The following ZC3HAV1 variants were observed in gnomAD, a reference collection of about 807,000 sequenced individuals.
ZC3HAV1 encodes the protein zinc finger CCCH-type containing, antiviral 1.
A neutral mutation model predicts 86.6 loss-of-function variants in ZC3HAV1; 41 were observed. That is an observed-to-expected ratio of 0.47 (90% CI 0.37 to 0.61). ZC3HAV1 has a LOEUF of 0.61. Among genes scored for constraint, ZC3HAV1 ranks in the 20% least tolerant of loss-of-function variants. The pLI, the probability that ZC3HAV1 is intolerant of heterozygous loss-of-function variation, is 0.00. For synonymous variants in ZC3HAV1, 421 were observed against 432.1 expected (o/e 0.97, Z 0.32); for missense variants, 964 against 1,141.1 (o/e 0.84, Z 2.24).
chr7:139,089,420 A>G (rs747224022), intron 2 of ZC3HAV1, among the ~76,000 whole-genome samples: 1 of 152,168 alleles, frequency 6.6e-6, no homozygotes, highest in Non-Finnish European at 1.5e-5. Context: ...CCAGTGGAAG[A>G]GGTATTCCAG....
intron 1 of ZC3HAV1, among the ~76,000 whole-genome samples, chr7:139,097,416 A>ATTTTTT (rs1368279713): frequency 3.9e-5 from 3 of 77,236 alleles, no homozygotes; most frequent in African/African-American, 1.6e-4. Flanking sequence ...ATATATATAT[A>ATTTTTT]TATATATATA....
intron 3 of ZC3HAV1, 41 bp from the exon 4 acceptor site, chr7:139,080,284 A>G (rs753235984): frequency 5.6e-6 from 9 of 1,610,158 alleles, no homozygotes; most frequent in Admixed American, 1.7e-5. Flanking sequence ...AATAATGAAC[A>G]TTGGAGTTAA....
At chr7:139,052,820 T>C (rs1301722971) in intron 12 of ZC3HAV1, among the ~76,000 whole-genome samples, 3 of 151,776 alleles carry the variant, frequency 2.0e-5, no homozygotes, top group Non-Finnish European at 4.4e-5. Flanking sequence ...TCCCAGTTAC[T>C]TGAGGGGCTG....
Position 139,080,014 on chromosome 7 carries a change from G to A in ZC3HAV1, c.927C>T (p.Pro309=), listed in dbSNP as rs763877427. The change falls in exon 4 of 13, where the codon CCC becomes CCT. Residue 309 remains proline (P), a synonymous_variant. Coordinates refer to ENST00000242351, the MANE Select transcript of ZC3HAV1 (RefSeq NM_020119.4). The part of the protein sequence containing the change: ...YLGSQDRARP[P]SGSSKATDLG... The stretch of plus-strand genomic sequence containing the variant: ...GATCAGTAGCCTTGGACGAGCCTGA[G>A]GGAGGCCGAGCGCGATCCTGACTCC... The A allele has an allele frequency of 5.6e-6, 9 of 1,614,082 alleles. No individual in the cohort carries two copies. In the Admixed American group the frequency reaches 1.0e-4, roughly 18 times the overall value.
rs553904802 is a variant in ZC3HAV1, at chr7:139,045,015, T to C, written c.*2579A>G. The C allele has an allele frequency of 2.0e-5, 3 of 152,368 alleles. No homozygotes were observed. Among genetic ancestry groups the C allele is most frequent in the South Asian group, 2.1e-4 (1 of 4,832 alleles). 9.4% of individuals were successfully genotyped at this position (152,368 alleles called of 1,614,324 possible). A position where few individuals can be genotyped will look rare whatever the true frequency, so the allele number is the denominator to read the frequency against. ...TGATCTCCTACCTTCTAAGTTCAAA[T>C]TGATGCATTATAAATAGTTGTAAGC... On this transcript the variant is annotated 3_prime_UTR_variant, in exon 13 of 13. Transcript: ENST00000242351.
At chr7:139,059,881 G>A (rs1042032687) in intron 9 of ZC3HAV1, among the ~76,000 whole-genome samples, 2 of 152,090 alleles carry the variant, frequency 1.3e-5, no homozygotes, top group Admixed American at 6.5e-5. Flanking sequence ...ATCAGTGTTC[G>A]GAATGTGTTA....
intron 6 of ZC3HAV1, 145 bp downstream of exon 6, chr7:139,076,141 G>A: frequency 7.5e-7 from 1 of 1,333,136 alleles, no homozygotes; most frequent in Non-Finnish European, 1.0e-6. Context: ...GCAGGCATTT[G>A]CCATTTTTTA....
chr7:139,074,136 T>A, intron 6 of ZC3HAV1, 106 bp from the exon 7 acceptor site: 6 of 1,129,732 alleles, frequency 5.3e-6, no homozygotes, highest in Non-Finnish European at 7.3e-6. Flanking sequence ...AGGGCTAAAA[T>A]AGATCTTCAA....
intron 1 of ZC3HAV1, among the ~76,000 whole-genome samples, chr7:139,101,878 C>A (rs9691879): frequency 0.22 from 33,796 of 151,636 alleles, 3,946 homozygotes; most frequent in East Asian, 0.42. Context: ...TGCGGAAGGC[C>A]GCAGGGTCCT....
At chr7:139,097,203 T>G (rs1026540008) in intron 1 of ZC3HAV1, among the ~76,000 whole-genome samples, 4 of 149,208 alleles carry the variant, frequency 2.7e-5, no homozygotes, top group African/African-American at 9.8e-5. Context: ...TGAATAAAAA[T>G]GCAGATTCTC....
chr7:139,077,337 G>A (rs55901130), intron 5 of ZC3HAV1, among the ~76,000 whole-genome samples: 8,112 of 152,212 alleles, frequency 0.053, 250 homozygotes, highest in South Asian at 0.077. Context: ...TCCACCTCCC[G>A]GGTTCAAGAA....
chr7:139,072,063 C>T (rs569282432), intron 7 of ZC3HAV1, among the ~76,000 whole-genome samples: 1 of 152,342 alleles, frequency 6.6e-6, no homozygotes, highest in Non-Finnish European at 1.5e-5. Context: ...AGCCCACTGA[C>T]TCGTAATTAT....
intron 6 of ZC3HAV1, among the ~76,000 whole-genome samples, chr7:139,075,238 T>G (rs1816904643): frequency 6.6e-6 from 1 of 152,146 alleles, no homozygotes. Context: ...CATGTCGCCC[T>G]CTAGTGGTAA....
chr7:139,060,295 G>A, intron 9 of ZC3HAV1: 2 of 985,264 alleles, frequency 2.0e-6, no homozygotes, highest in Non-Finnish European at 2.4e-6. Flanking sequence ...CCTGTTTTAT[G>A]TAATCACACA....
intron 1 of ZC3HAV1, among the ~76,000 whole-genome samples, chr7:139,102,502 C>G (rs1817803352): frequency 6.6e-6 from 1 of 152,016 alleles, no homozygotes. Flanking sequence ...GAAGACATTT[C>G]AGGGAATCAG....
Position 139,047,328 on chromosome 7 carries a change from CAAAAAAAAAAA to C in ZC3HAV1, c.*255_*265del. The C allele has an allele frequency of 7.7e-6, 2 of 259,516 alleles. No individual in the cohort carries two copies. Among genetic ancestry groups the C allele is most frequent in the South Asian group, 3.4e-5 (1 of 29,608 alleles). The allele number at this position is 259,516 out of a possible 1,614,324, so 16.1% of individuals were successfully genotyped here. ...TGGACGATGGAGTGAGATTCAGTCT[CAAAAAAAAAAA>C]AAAAAAAAAAAATACAACTGCCTGG... is the stretch of plus-strand genomic sequence containing the variant. On this transcript the variant is annotated 3_prime_UTR_variant, in exon 13 of 13. Transcript: ENST00000242351.
intron 12 of ZC3HAV1, among the ~76,000 whole-genome samples, chr7:139,051,420 T>C (rs1181105103): frequency 6.6e-6 from 1 of 151,632 alleles, no homozygotes; most frequent in Admixed American, 6.6e-5. Context: ...TTTTTTTTTT[T>C]TTTTGAGACA....
intron 8 of ZC3HAV1, among the ~76,000 whole-genome samples, chr7:139,063,688 C>T (rs1436188678): frequency 1.4e-5 from 2 of 145,504 alleles, no homozygotes; most frequent in African/African-American, 5.2e-5. Flanking sequence ...GGCATCACCG[C>T]ACTCTAGCCT....
In ZC3HAV1 at chr7:139,109,278, C is replaced by A; in HGVS notation, c.54G>T (p.Gly18=). The A allele has an allele frequency of 2.5e-6, 4 of 1,611,236 alleles. No individual in the cohort carries two copies. Among genetic ancestry groups the A allele is most frequent in the Non-Finnish European group, 3.4e-6 (4 of 1,179,318 alleles). The change falls in exon 1 of 13, where the codon GGG becomes GGT. Residue 18 remains glycine (G), a synonymous_variant. Coordinates refer to ENST00000242351, the MANE Select transcript of ZC3HAV1 (RefSeq NM_020119.4). ...GCAGCGCGTCCAGGGCCATGCGGCC[C>A]CCGTGGGCGCACAGGATTTTGGTGA... ...CFITKILCAH[G]GRMALDALLQ...
Sources: gnomAD v4.1 joint callset for allele counts (sites outside exome capture counted in the v4.1 genomes callset) on GRCh38, gnomAD v4.1.1 for gene constraint, MANE v1.5 for transcripts, NCBI Gene and HGNC (gene_info 2026-07-23, HGNC 2026-07-21) for gene names.